Variants in SOHLH2 observed in about 807,000 individuals in gnomAD.
The protein encoded by SOHLH2 is spermatogenesis and oogenesis specific basic helix-loop-helix 2, also known as spermatogenesis- and oogenesis-specific basic helix-loop-helix-containing protein 2.
A neutral mutation model predicts 50.4 loss-of-function variants in SOHLH2; 22 were observed. The ratio of observed to expected loss-of-function variants is 0.44; its 90% CI spans 0.31 to 0.62. The LOEUF (loss-of-function observed/expected upper bound fraction) is 0.62. SOHLH2 is among the 20% of genes least tolerant of loss of function. The pLI, the probability that SOHLH2 is intolerant of heterozygous loss-of-function variation, is 0.08. For missense variants in SOHLH2, 412 were observed against 504.4 expected (o/e 0.82, Z 1.76); for synonymous variants, 185 against 187.3 (o/e 0.99, Z 0.10).
chr13:36,211,742 G>C (rs1263501458), intron 1 of SOHLH2, among the ~76,000 whole-genome samples: 1 of 152,206 alleles, frequency 6.6e-6, no homozygotes, highest in Non-Finnish European at 1.5e-5. Context: ...GTTATGAGAA[G>C]TGTTTGTATA....
chr13:36,200,758 A>C (rs1288387999), intron 2 of SOHLH2, among the ~76,000 whole-genome samples: 1 of 152,108 alleles, frequency 6.6e-6, no homozygotes, highest in African/African-American at 2.4e-5. Flanking sequence ...GGTTAAAAAG[A>C]AGCAGAACTT....
chr13:36,191,988 T>C, intron 4 of SOHLH2, 94 bp from the exon 5 acceptor site: 2 of 1,290,412 alleles, frequency 1.5e-6, no homozygotes, highest in Non-Finnish European at 2.2e-6. Flanking sequence ...AATGCAGTTG[T>C]CTTTTACTCA....
chr13:36,183,684 G>A (rs959018816), intron 6 of SOHLH2, among the ~76,000 whole-genome samples: 1 of 152,108 alleles, frequency 6.6e-6, no homozygotes. Context: ...TCAACGACAT[G>A]CTATTTACAA....
Position 36,168,839 on chromosome 13 carries a change from G to A in SOHLH2, c.*195C>T. On this transcript the variant is annotated 3_prime_UTR_variant, in exon 11 of 11. Coordinates refer to ENST00000379881, the MANE Select transcript of SOHLH2 (RefSeq NM_017826.3). ...TGTGTATGAAGATGAGTGACAGTGT[G>A]TGGCCAGCTTTTTCGCTGCTGGTCT... 1.1e-6 allele frequency: 1 copy of A among 881,186 alleles called. No homozygotes were observed. The highest frequency in any genetic ancestry group is 1.6e-6 in the Non-Finnish European group (1 of 625,368). 54.6% of individuals were successfully genotyped at this position (881,186 alleles called of 1,614,324 possible).
rs779427123 is a variant in SOHLH2, at chr13:36,214,455, G to A, written c.48+24C>T. ...CGCCCGCGAGGTTATAAACGCAGCT[G>A]CCTCCCCTTCCACAGCCTCTTACCT... On this transcript the variant is annotated intron_variant, in intron 1 of 10. Transcript: ENST00000379881. 5.6e-6 allele frequency: 9 copies of A among 1,610,324 alleles called. No homozygotes were observed. In the Admixed American group the frequency reaches 1.3e-4, roughly 24 times the overall value.
intron 6 of SOHLH2, chr13:36,183,056 A>G (rs568450752): frequency 3.3e-4 from 73 of 220,890 alleles, no homozygotes; most frequent in African/African-American, 1.6e-3. Flanking sequence ...TGGTGGTTTA[A>G]AAGAGTTTGG....
Position 36,192,428 on chromosome 13 carries a change from C to T in SOHLH2, c.431-534G>A, listed in dbSNP as rs183277093. ...CCAAATAAGAAGAGGTTGCAAAAGC[C>T]CTCGGTCACCAAAGTTAGCCATTTC... On this transcript the variant is annotated intron_variant, in intron 4 of 10. Coordinates refer to ENST00000379881, the MANE Select transcript of SOHLH2 (RefSeq NM_017826.3). 1.4e-3 allele frequency among the ~76,000 whole-genome samples: 208 copies of T among 152,194 alleles called. 1 individual carries two copies. Among genetic ancestry groups the T allele is most frequent in the Non-Finnish European group, 1.4e-3 (98 of 68,014 alleles).
At chr13:36,199,322 C>G (rs950793449) in intron 2 of SOHLH2, among the ~76,000 whole-genome samples, 1 of 151,652 alleles carries the variant, frequency 6.6e-6, no homozygotes, top group African/African-American at 2.4e-5. Context: ...CACACACACA[C>G]ACACACACAT....
At chr13:36,203,642 T>C (rs537687680) in intron 1 of SOHLH2, among the ~76,000 whole-genome samples, 25 of 152,320 alleles carry the variant, frequency 1.6e-4, no homozygotes, top group South Asian at 8.3e-4. Context: ...AAGCAGTATA[T>C]ATGAGTACTC....
chr13:36,175,006 G>T, intron 6 of SOHLH2, 137 bp from the exon 7 acceptor site: 4 of 1,296,128 alleles, frequency 3.1e-6, no homozygotes, highest in Non-Finnish European at 3.0e-6. Context: ...TTCAGAGAAA[G>T]GCTGTGTCCC....
intron 6 of SOHLH2, among the ~76,000 whole-genome samples, chr13:36,184,361 A>AG (rs530344243): frequency 4.5e-4 from 69 of 152,252 alleles, no homozygotes; most frequent in Non-Finnish European, 8.2e-4. Flanking sequence ...CAATGCTTAG[A>AG]GAAAAACTTT....
chr13:36,180,059 T>C (rs868218028), intron 6 of SOHLH2, among the ~76,000 whole-genome samples: 2 of 152,236 alleles, frequency 1.3e-5, no homozygotes, highest in South Asian at 2.1e-4. Flanking sequence ...GATAACAAGT[T>C]CAATTTTGTT....
chr13:36,206,939 A>G (rs765880691), intron 1 of SOHLH2, among the ~76,000 whole-genome samples: 2 of 151,640 alleles, frequency 1.3e-5, no homozygotes, highest in Non-Finnish European at 2.9e-5. Flanking sequence ...ATATATATAG[A>G]TGATTCTATA....
At chr13:36,208,759 C>T (rs997367902) in intron 1 of SOHLH2, among the ~76,000 whole-genome samples, 3 of 152,022 alleles carry the variant, frequency 2.0e-5, no homozygotes, top group Admixed American at 1.3e-4. Context: ...ATTTAAAGAC[C>T]GTCTGATAGC....
chr13:36,211,205 T>C (rs1869099853), intron 1 of SOHLH2, among the ~76,000 whole-genome samples: 1 of 152,238 alleles, frequency 6.6e-6, no homozygotes, highest in South Asian at 2.1e-4. Context: ...TGAGGCTCTT[T>C]TGAGAATGAA....
chr13:36,209,970 C>T (rs1869010074), intron 1 of SOHLH2, among the ~76,000 whole-genome samples: 2 of 151,014 alleles, frequency 1.3e-5, no homozygotes, highest in Non-Finnish European at 2.9e-5. Flanking sequence ...AGCTAATTGT[C>T]AAAATCAAGG....
chr13:36,177,042 C>T (rs1412875668), intron 6 of SOHLH2, among the ~76,000 whole-genome samples: 1 of 151,964 alleles, frequency 6.6e-6, no homozygotes, highest in East Asian at 1.9e-4. Flanking sequence ...ATCACAAACC[C>T]AGAAAGGCCC....
intron 9 of SOHLH2, 92 bp from the exon 10 acceptor site, chr13:36,170,879 T>C (rs769643064): frequency 1.5e-4 from 224 of 1,525,220 alleles, no homozygotes; most frequent in Non-Finnish European, 1.9e-4. Context: ...CGCTATTTCA[T>C]TTCCTCACAT....
chr13:36,207,735 G>C lies in SOHLH2; in HGVS notation c.49-5642C>G, dbSNP rs1456616820. The stretch of plus-strand genomic sequence containing the variant: ...CTCCTAGTTTCTTCTAATATGCAAT[G>C]GTTTCTCAGTTTTTACTGGCTTTTG... On this transcript the variant is annotated intron_variant, in intron 1 of 10. Coordinates refer to ENST00000379881, the MANE Select transcript of SOHLH2 (RefSeq NM_017826.3). Among the ~76,000 whole-genome samples the C allele has an allele frequency of 2.6e-5, 4 of 152,188 alleles. No individual in the cohort carries two copies. The East Asian group carries it at 7.7e-4, about 29-fold the overall frequency.
Sources: allele counts gnomAD v4.1 joint callset (sites outside exome capture counted in the v4.1 genomes callset), GRCh38; gene constraint gnomAD v4.1.1; transcripts MANE v1.5; gene names NCBI Gene and HGNC (gene_info 2026-07-23, HGNC 2026-07-21).